Variants in VWA3B observed in about 807,000 individuals in gnomAD.
The protein encoded by VWA3B is von Willebrand factor A domain-containing protein 3B.
In VWA3B, 138 loss-of-function variants were observed where a neutral mutation model predicts 158.3. That is an observed-to-expected ratio of 0.87 (90% CI 0.76 to 1.00). The LOEUF (loss-of-function observed/expected upper bound fraction) is 1.00, where lower values mean the gene tolerates loss of function less well. VWA3B is among the 50% of genes least tolerant of loss of function. VWA3B has a pLI of 0.00. For missense variants in VWA3B, 1,555 were observed against 1,565.1 expected, an observed-to-expected ratio of 0.99 and a Z score of 0.11; for synonymous variants, 596 against 587.3, an observed-to-expected ratio of 1.01 and a Z score of -0.21.
chr2:98,291,812 A>G (rs1427990284), intron 23 of VWA3B: 15 of 152,256 alleles, frequency 9.9e-5, no homozygotes, highest in Admixed American at 9.2e-4. Context: ...CAGAGAAGCA[A>G]TTGGAGATGT....
At chr2:98,094,987 C>G (rs1210258043) in intron 2 of VWA3B, among the ~76,000 whole-genome samples, 2 of 152,084 alleles carry the variant, frequency 1.3e-5, no homozygotes, top group African/African-American at 4.8e-5. Context: ...ATCTATGTGT[C>G]TGTTTTTATG....
intron 13 of VWA3B, among the ~76,000 whole-genome samples, chr2:98,212,991 G>A (rs992716192): frequency 1.1e-4 from 16 of 152,150 alleles, no homozygotes; most frequent in Middle Eastern, 3.2e-3. Flanking sequence ...TACAACACGG[G>A]AACAGGGTTG....
intron 17 of VWA3B, among the ~76,000 whole-genome samples, chr2:98,235,255 T>G (rs1297245498): frequency 1.3e-5 from 2 of 152,212 alleles, no homozygotes; most frequent in Non-Finnish European, 2.9e-5. Context: ...ATTTTTCTTT[T>G]ATTTCAAATG....
chr2:98,186,161 T>TTC (rs1269407375), intron 9 of VWA3B, among the ~76,000 whole-genome samples: 1 of 150,512 alleles, frequency 6.6e-6, no homozygotes, highest in East Asian at 2.0e-4. Context: ...TCCTTGAATT[T>TTC]TTTTTTTTTT....
In VWA3B at chr2:98,217,843, C is replaced by A; in HGVS notation, c.1837-3C>A. 1 of 1,572,534 alleles carries A rather than the reference C, an allele frequency of 6.4e-7. No individual in the cohort carries two copies. Among genetic ancestry groups the A allele is most frequent in the Non-Finnish European group, 8.6e-7 (1 of 1,164,974 alleles). ...CCCCCATCCCCAAAACTTATCGTTT[C>A]AGCCACCTGAAACAGTTATAGACCA... On this transcript the variant is annotated splice_polypyrimidine_tract_variant and splice_region_variant and intron_variant, in intron 13 of 27. Transcript: ENST00000477737.
At chr2:98,101,562 A>G (rs1683074401) in intron 2 of VWA3B, among the ~76,000 whole-genome samples, 2 of 152,248 alleles carry the variant, frequency 1.3e-5, no homozygotes, top group South Asian at 4.1e-4. Context: ...TAACCAGATT[A>G]TTTACCAATT....
intron 14 of VWA3B, among the ~76,000 whole-genome samples, chr2:98,223,473 A>T (rs949578045): frequency 6.6e-6 from 1 of 152,210 alleles, no homozygotes; most frequent in Admixed American, 6.5e-5. Context: ...GAAATATACA[A>T]ATATACAGAT....
chr2:98,242,444 G>A, intron 19 of VWA3B: 2 of 374,012 alleles, frequency 5.3e-6, no homozygotes, highest in South Asian at 4.1e-5. Context: ...AATGAACCTA[G>A]AATTTAAAGC....
chr2:98,250,956 T>G (rs1180273818), intron 20 of VWA3B, among the ~76,000 whole-genome samples: 2 of 151,924 alleles, frequency 1.3e-5, no homozygotes, highest in Non-Finnish European at 2.9e-5. Flanking sequence ...AAATACAGGC[T>G]GGGTGTGGTG....
intron 25 of VWA3B, 101 bp downstream of exon 25, chr2:98,300,317 C>A: frequency 2.7e-6 from 4 of 1,486,348 alleles, no homozygotes; most frequent in Non-Finnish European, 3.7e-6. Context: ...CTGGCTGCAT[C>A]TGCTGCCCTG....
In VWA3B at chr2:98,290,464, C is replaced by G. The variant is rs200972342; in HGVS notation, c.3046-47C>G. 23 of 1,381,828 alleles carry G rather than the reference C, an allele frequency of 1.7e-5. No homozygotes were observed. In the African/African-American group the frequency reaches 2.5e-4, roughly 15 times the overall value. The allele number at this position is 1,381,828 out of a possible 1,614,324, so 85.6% of individuals were successfully genotyped here. A position where few individuals can be genotyped will look rare whatever the true frequency, so the allele number is the denominator to read the frequency against. Reference sequence around the variant, plus strand: ...ACCCAGTATTTATCATTTTCAGCATCTGCATTCACTTTTTCTCATCAATTA... The same window carrying G: ...ACCCAGTATTTATCATTTTCAGCATGTGCATTCACTTTTTCTCATCAATTA... On this transcript the variant is annotated intron_variant, in intron 22 of 27. Coordinates refer to ENST00000477737, the MANE Select transcript of VWA3B (RefSeq NM_144992.5).
At chr2:98,265,679 A>G (rs1399797493) in intron 21 of VWA3B, among the ~76,000 whole-genome samples, 3 of 147,114 alleles carry the variant, frequency 2.0e-5, no homozygotes, top group Non-Finnish European at 4.5e-5. Flanking sequence ...AAGTGTTCCT[A>G]TTTCTCCACA....
chr2:98,241,584 G>C (rs1350887297), intron 19 of VWA3B, among the ~76,000 whole-genome samples: 1 of 151,846 alleles, frequency 6.6e-6, no homozygotes, highest in Non-Finnish European at 1.5e-5. Context: ...TGCCAAGAGT[G>C]ATTCTCCAGA....
chr2:98,187,367 G>A (rs116396004), intron 9 of VWA3B, among the ~76,000 whole-genome samples: 14 of 152,176 alleles, frequency 9.2e-5, no homozygotes, highest in Non-Finnish European at 2.1e-4. Context: ...GAGGAGCGCC[G>A]GTTGAGTGCC....
intron 19 of VWA3B, among the ~76,000 whole-genome samples, chr2:98,242,659 G>C (rs977277107): frequency 1.3e-5 from 2 of 148,886 alleles, no homozygotes; most frequent in African/African-American, 2.5e-5. Context: ...TGGTGCTCCA[G>C]CTCTGTCATT....
At position 98,133,918 on chromosome 2, in the gene VWA3B, C is replaced by T. The variant is rs1258371246; in HGVS notation, c.967C>T (p.Leu323=). Reference sequence around the variant, plus strand: ...TGTGATGACTTGGAATTCAAGGAAACTGAAAGGAAAACTCCCTCCAGGTAC... The same window carrying T: ...TGTGATGACTTGGAATTCAAGGAAATTGAAAGGAAAACTCCCTCCAGGTAC... ...DNVMTWNSRK[L]KGKLPPGAGV... is the part of the protein sequence containing the mutation. The change falls in exon 7 of 28, where the codon CTG becomes TTG. Residue 323 remains leucine, a synonymous_variant. Transcript: ENST00000477737. The T allele has an allele frequency of 1.2e-6, 2 of 1,613,970 alleles. No homozygotes were observed. Among genetic ancestry groups the T allele is most frequent in the Admixed American group, 3.3e-5 (2 of 60,000 alleles).
chr2:98,307,619 G>C (rs1209186826), intron 26 of VWA3B, among the ~76,000 whole-genome samples: 2 of 152,176 alleles, frequency 1.3e-5, no homozygotes, highest in Non-Finnish European at 2.9e-5. Context: ...GTTAGCACAG[G>C]TCTTTGAATA....
chr2:98,161,339 C>T (rs1313133436), intron 7 of VWA3B, among the ~76,000 whole-genome samples: 2 of 152,214 alleles, frequency 1.3e-5, no homozygotes, highest in Non-Finnish European at 1.5e-5. Context: ...GATGGGGCTG[C>T]GTGATGCCAT....
rs138525916 is a variant in VWA3B at position 98,175,148 on chromosome 2, C to T, written c.1115-5868C>T. Among the ~76,000 whole-genome samples, 1,464 of 151,810 alleles carry T rather than the reference C, an allele frequency of 9.6e-3. 30 individuals carry two copies. Among genetic ancestry groups the T allele is most frequent in the African/African-American group, 0.034 (1,417 of 41,394 alleles). ...GCAAAGAAATAAAGTATGGACCATA[C>T]AAAGGAAAAAAAGCAATCCATAGGA... On this transcript the variant is annotated intron_variant, in intron 8 of 27. Transcript: ENST00000477737.
Sources: allele counts gnomAD v4.1 joint callset (sites outside exome capture counted in the v4.1 genomes callset), GRCh38; gene constraint gnomAD v4.1.1; transcripts MANE v1.5; gene names NCBI Gene and HGNC (gene_info 2026-07-23, HGNC 2026-07-21).